Variants in MIOS observed in about 807,000 individuals in gnomAD.
The protein encoded by MIOS is GATOR2 complex protein MIOS.
MIOS carries 52 observed loss-of-function variants against 96.9 expected under a neutral mutation model. The ratio of observed to expected loss-of-function variants is 0.54; its 90% CI spans 0.43 to 0.68. The LOEUF is 0.68. MIOS is among the 30% of genes least tolerant of loss of function. The probability of loss-of-function intolerance (pLI) is 0.00; values close to 1 mark genes in which losing one functional copy is unlikely to be tolerated. For missense variants in MIOS, 1,005 were observed against 1,052.8 expected, an observed-to-expected ratio of 0.95 and a Z score of 0.63; for synonymous variants, 397 against 359.5, an observed-to-expected ratio of 1.10 and a Z score of -1.18.
chr7:7,590,675 T>C (rs2115439165), intron 9 of MIOS, among the ~76,000 whole-genome samples: 1 of 152,352 alleles, frequency 6.6e-6, no homozygotes, highest in African/African-American at 2.4e-5. Context: ...AATATTTCCA[T>C]GTTTCATTTT....
Position 7,573,078 on chromosome 7 carries a change from T to C in MIOS, c.603T>C (p.Leu201=). ...TTCCACGAGACCAGAAACTTCTCCT[T>C]GCTGGTATGCATCGTAACCTAGCTA... The part of the protein sequence containing the change: ...CWLPRDQKLL[L]AGMHRNLAIF... Residue 201 remains leucine (L), a synonymous_variant, in exon 4 of 13, where the codon CTT becomes CTC. Transcript: ENST00000340080. The surrounding 1 kb of genome is among the most constrained non-coding windows in gnomAD (Gnocchi z 5.0). 1 of 1,614,136 alleles carries C rather than the reference T, an allele frequency of 6.2e-7. No homozygotes were observed. The highest frequency in any genetic ancestry group is 8.5e-7 in the Non-Finnish European group (1 of 1,180,000).
intron 10 of MIOS, among the ~76,000 whole-genome samples, chr7:7,595,493 A>T (rs1784178122): frequency 6.6e-6 from 1 of 152,220 alleles, no homozygotes; most frequent in Non-Finnish European, 1.5e-5. Flanking sequence ...AGACTTTAGC[A>T]GTATTACCTA....
chr7:7,590,313 A>G (rs934102535), intron 9 of MIOS, among the ~76,000 whole-genome samples: 4 of 152,196 alleles, frequency 2.6e-5, no homozygotes, highest in Non-Finnish European at 5.9e-5. Context: ...AACTTACCTA[A>G]TGTATCAAGC....
chr7:7,598,153 G>T (rs1000438272), intron 11 of MIOS, among the ~76,000 whole-genome samples: 2 of 152,122 alleles, frequency 1.3e-5, no homozygotes, highest in Non-Finnish European at 2.9e-5. Context: ...TTGGGTATTT[G>T]GCACACAGGT....
intron 9 of MIOS, among the ~76,000 whole-genome samples, chr7:7,591,003 T>A (rs567027531): frequency 1.1e-4 from 17 of 152,354 alleles, no homozygotes; most frequent in African/African-American, 2.4e-4. Context: ...AGTGTTTTTT[T>A]AACAGTCATT....
intron 7 of MIOS, among the ~76,000 whole-genome samples, 196 bp from the exon 8 acceptor site, chr7:7,588,302 C>T (rs887406355): frequency 2.0e-5 from 3 of 152,080 alleles, no homozygotes; most frequent in Non-Finnish European, 2.9e-5. Flanking sequence ...AAGGACAAAA[C>T]CTTATTGCTG....
intron 11 of MIOS, among the ~76,000 whole-genome samples, chr7:7,604,529 C>G (rs1043845784): frequency 3.3e-5 from 5 of 152,148 alleles, no homozygotes; most frequent in Non-Finnish European, 7.4e-5. Flanking sequence ...GCTGCCCTTA[C>G]AGAATTTAAC....
intron 5 of MIOS, among the ~76,000 whole-genome samples, chr7:7,580,852 A>G (rs1220055062): frequency 6.6e-6 from 1 of 150,678 alleles, no homozygotes; most frequent in Non-Finnish European, 1.5e-5. Flanking sequence ...ACACCCGGCT[A>G]ATTTTTGTAT....
chr7:7,567,208 GGGCGGCCGGCCGCCT>G (rs978693176), intron 1 of MIOS, 136 bp downstream of exon 1: 5 of 152,160 alleles, frequency 3.3e-5, no homozygotes, highest in African/African-American at 1.2e-4. Context: ...TAATCGCGCC[GGGCGGCCGGCCGCCT>G]GGCCGGGCCT....
intron 5 of MIOS, among the ~76,000 whole-genome samples, chr7:7,577,306 A>G (rs1258118397): frequency 2.0e-5 from 3 of 152,192 alleles, no homozygotes; most frequent in Non-Finnish European, 4.4e-5. Flanking sequence ...GACTCACTGA[A>G]TTTAGGACTA....
intron 3 of MIOS, among the ~76,000 whole-genome samples, chr7:7,569,874 G>A (rs1254176157): frequency 6.6e-6 from 1 of 152,190 alleles, no homozygotes; most frequent in Non-Finnish European, 1.5e-5. Flanking sequence ...TGATGAGGGA[G>A]GAGGGTATAT....
intron 11 of MIOS, among the ~76,000 whole-genome samples, chr7:7,599,973 G>C (rs1361940654): frequency 3.3e-5 from 5 of 152,004 alleles, no homozygotes; most frequent in Admixed American, 2.0e-4. Flanking sequence ...TAAACATTGA[G>C]AACATATGGT....
intron 1 of MIOS, 175 bp downstream of exon 1, chr7:7,567,247 C>A (rs1268280892): frequency 6.6e-6 from 1 of 152,250 alleles, no homozygotes; most frequent in Non-Finnish European, 1.5e-5. Context: ...CGGGAGCCAC[C>A]GGGGGCTGCG....
intron 11 of MIOS, among the ~76,000 whole-genome samples, chr7:7,598,157 C>T (rs1293088177): frequency 6.6e-6 from 1 of 152,160 alleles, no homozygotes; most frequent in Non-Finnish European, 1.5e-5. Flanking sequence ...GTATTTGGCA[C>T]ACAGGTGTAA....
In MIOS at chr7:7,572,794, G is replaced by C; in HGVS notation, c.319G>C (p.Glu107Gln). Residue 107 changes from glutamate (E) to glutamine (Q), a missense_variant, in exon 4 of 13, where the codon GAG becomes CAG. Coordinates refer to ENST00000340080, the MANE Select transcript of MIOS (RefSeq NM_019005.4). The surrounding 1 kb of genome is among the most constrained non-coding windows in gnomAD (Gnocchi z 4.8). ...NSKFKDLIGK[E>Q]FVPKHARQCN... ...AAAGTTCAAAGATTTGATAGGAAAA[G>C]AGTTTGTTCCAAAACATGCACGACA... The C allele has an allele frequency of 6.2e-7, 1 of 1,614,096 alleles. No individual in the cohort carries two copies. The highest frequency in any genetic ancestry group is 8.5e-7 in the Non-Finnish European group (1 of 1,179,964).
chr7:7,573,572 T>C lies in MIOS; in HGVS notation c.1097T>C (p.Leu366Ser). 2 of 1,614,102 alleles carry C rather than the reference T, an allele frequency of 1.2e-6. No homozygotes were observed. The highest frequency in any genetic ancestry group is 2.7e-5 in the African/African-American group (2 of 75,058). ...CTTGCCTGGAGCCCAATTACATCTT[T>C]AATGTGGGCTTGTGGTCGTCATTTA... The part of the protein sequence containing the change: ...ISLAWSPITS[L>S]MWACGRHLYE... The change falls in exon 4 of 13, where the codon TTA (leucine) becomes TCA (serine). Residue 366 changes from leucine (L) to serine (S), a missense_variant. Leu to Ser is a moderately radical substitution (Grantham distance 145). Around this residue, in one of 3 missense-constraint regions of MIOS, gnomAD observed 865 missense variants for 887.9 expected, o/e 0.97. Coordinates refer to ENST00000340080, the MANE Select transcript of MIOS (RefSeq NM_019005.4). This position sits in a 1 kb window ranked among gnomAD's most constrained non-coding sequence, Gnocchi z 5.0.
intron 9 of MIOS, among the ~76,000 whole-genome samples, 182 bp from the exon 10 acceptor site, chr7:7,594,798 G>C (rs1784155308): frequency 6.7e-6 from 1 of 148,700 alleles, no homozygotes; most frequent in Admixed American, 6.8e-5. Context: ...GTGGAACCCA[G>C]CTTGAGATAA....
chr7:7,588,163 G>T (rs1783945343), intron 7 of MIOS, among the ~76,000 whole-genome samples: 1 of 152,128 alleles, frequency 6.6e-6, no homozygotes, highest in African/African-American at 2.4e-5. Flanking sequence ...TTCTATGATG[G>T]AAAGATTATG....
At chr7:7,600,036 G>A (rs534927374) in intron 11 of MIOS, among the ~76,000 whole-genome samples, 2 of 152,156 alleles carry the variant, frequency 1.3e-5, no homozygotes, top group South Asian at 4.1e-4. Flanking sequence ...CTAGGTGGGA[G>A]GAGGATCGAA....
Sources: allele counts gnomAD v4.1 joint callset (sites outside exome capture counted in the v4.1 genomes callset), GRCh38; gene constraint gnomAD v4.1.1; regional missense constraint gnomAD v4.1.1; non-coding constraint Gnocchi (gnomAD v3.1); transcripts MANE v1.5; gene names NCBI Gene and HGNC (gene_info 2026-07-23, HGNC 2026-07-21).